The following CFAP251 variants were observed in gnomAD, a reference collection of about 807,000 sequenced individuals.
CFAP251 encodes the protein cilia and flagella associated protein 251, also known as cilia- and flagella-associated protein 251.
CFAP251 carries 93 observed loss-of-function variants against 126.7 expected under a neutral mutation model. The observed-to-expected ratio is 0.73, with a 90% CI of 0.62 to 0.87. The LOEUF (loss-of-function observed/expected upper bound fraction) is 0.87. Among genes scored for constraint, CFAP251 ranks in the 40% least tolerant of loss-of-function variants. The probability of loss-of-function intolerance (pLI) is 0.00; values close to 1 mark genes in which losing one functional copy is unlikely to be tolerated. For synonymous variants in CFAP251, 503 were observed against 506.9 expected (o/e 0.99, Z 0.10); for missense variants, 1,287 against 1,389.2 (o/e 0.93, Z 1.17).
intron 3 of CFAP251, among the ~76,000 whole-genome samples, chr12:121,925,209 G>GA (rs941402513): frequency 2.6e-5 from 4 of 152,122 alleles, no homozygotes; most frequent in African/African-American, 9.7e-5. Context: ...CAGTCCAGAG[G>GA]AATCTGCCTT....
At chr12:121,956,878 G>A (rs1881744656) in intron 10 of CFAP251, among the ~76,000 whole-genome samples, 196 bp from the exon 11 acceptor site, 1 of 152,036 alleles carries the variant, frequency 6.6e-6, no homozygotes, top group African/African-American at 2.4e-5. Context: ...ACAATGCCCT[G>A]AGCAAATTTC....
chr12:122,001,919 G>C (rs1294941931), intron 21 of CFAP251: 1 of 341,010 alleles, frequency 2.9e-6, no homozygotes, highest in Non-Finnish European at 5.7e-6. Context: ...CAGGAGAATA[G>C]GTATGTAAAG....
rs1399434724 is a variant in CFAP251, at chr12:121,923,855, A to C, written c.612A>C (p.Glu204Asp). The change falls in exon 3 of 22, where the codon GAA (glutamate) becomes GAC (aspartate). Residue 204 changes from glutamate to aspartate, a missense_variant. Transcript: ENST00000288912. ...AAGAAAGAAGGGACTTGGAGCCAGA[A>C]AACAGAGAGGAGGGACAAGAAAGGA... ...LGQERRDLEP[E>D]NREEGQERRV... 1 of 1,614,180 alleles carries C rather than the reference A, an allele frequency of 6.2e-7. No individual in the cohort carries two copies. The highest frequency in any genetic ancestry group is 8.5e-7 in the Non-Finnish European group (1 of 1,180,034).
At chr12:121,969,366 C>T in intron 17 of CFAP251, 2 of 985,414 alleles carry the variant, frequency 2.0e-6, no homozygotes, top group Non-Finnish European at 2.4e-6. Context: ...TGGAGGTGAA[C>T]TCTCCTATTG....
chr12:121,923,995 GT>G lies in CFAP251; in HGVS notation c.747+6del. The G allele has an allele frequency of 6.3e-7, 1 of 1,576,700 alleles. No homozygotes were observed. On this transcript the variant is annotated splice_donor_region_variant and intron_variant, in intron 3 of 21. Coordinates refer to ENST00000288912, the MANE Select transcript of CFAP251 (RefSeq NM_144668.6). ...AGCACCCCGGTGTATCCCTTGGTAA[GT>G]GTAATGCTTTTAAATCTCCCCCAGT...
intron 19 of CFAP251, among the ~76,000 whole-genome samples, chr12:121,996,659 A>T (rs916885565): frequency 5.6e-4 from 86 of 152,248 alleles, no homozygotes; most frequent in Middle Eastern, 3.4e-3. Context: ...GAAGGGGAAA[A>T]TTTTTTAAAT....
chr12:121,922,106 T>C (rs903932754), intron 2 of CFAP251, among the ~76,000 whole-genome samples: 3 of 76,890 alleles, frequency 3.9e-5, no homozygotes, highest in Middle Eastern at 8.5e-3. Flanking sequence ...CAATCCATTC[T>C]TTTTTTTTTT....
chr12:121,955,523 T>A (rs547693656), intron 10 of CFAP251, among the ~76,000 whole-genome samples: 2 of 152,148 alleles, frequency 1.3e-5, no homozygotes, highest in Non-Finnish European at 2.9e-5. Context: ...TGGATGCACA[T>A]GCTTGGTGCA....
Position 121,974,965 on chromosome 12 carries a change from A to G in CFAP251, c.2772-279A>G, listed in dbSNP as rs527904229. Reference sequence around the variant, plus strand: ...ACCCCCAGGAGAGACATGTTCCCCAAAGATTGCAGACAAATTGCCAAGCAC... The same window carrying G: ...ACCCCCAGGAGAGACATGTTCCCCAGAGATTGCAGACAAATTGCCAAGCAC... On this transcript the variant is annotated intron_variant, in intron 17 of 21. Coordinates refer to ENST00000288912, the MANE Select transcript of CFAP251 (RefSeq NM_144668.6). The surrounding 1 kb of genome is among the most constrained non-coding windows in gnomAD (Gnocchi z 4.6). Among the ~76,000 whole-genome samples, 1 of 152,328 alleles carries G rather than the reference A, an allele frequency of 6.6e-6. No individual in the cohort carries two copies. Among genetic ancestry groups the G allele is most frequent in the Admixed American group, 6.5e-5 (1 of 15,308 alleles).
intron 21 of CFAP251, among the ~76,000 whole-genome samples, chr12:122,003,304 T>C (rs917180044): frequency 6.6e-6 from 1 of 152,178 alleles, no homozygotes; most frequent in Admixed American, 6.5e-5. Flanking sequence ...TGAGGCCAGA[T>C]GCGGTAGCTG....
chr12:121,985,400 G>A (rs577716417), intron 19 of CFAP251, among the ~76,000 whole-genome samples: 66 of 152,060 alleles, frequency 4.3e-4, no homozygotes, highest in Non-Finnish European at 8.2e-4. Context: ...TGGGCATGGT[G>A]GTGCATGCCT....
At chr12:121,968,942 C>CTG in intron 17 of CFAP251, 1 of 985,418 alleles carries the variant, frequency 1.0e-6, no homozygotes, top group Non-Finnish European at 1.2e-6. Context: ...AGCACCCACA[C>CTG]TGTCCTCTCA....
intron 2 of CFAP251, 126 bp from the exon 3 acceptor site, chr12:121,923,496 T>TGTAC: frequency 1.5e-6 from 2 of 1,298,756 alleles, no homozygotes; most frequent in Non-Finnish European, 2.1e-6. Context: ...TCCAGCCTCT[T>TGTAC]TTAAAAAACA....
At chr12:121,953,894 T>C (rs955416030) in intron 9 of CFAP251, 1 of 518,922 alleles carries the variant, frequency 1.9e-6, no homozygotes, top group Non-Finnish European at 3.4e-6. Context: ...AAACAAACAA[T>C]GTAATTGAAC....
chr12:121,936,804 C>T (rs1880912101), intron 5 of CFAP251, among the ~76,000 whole-genome samples: 1 of 151,944 alleles, frequency 6.6e-6, no homozygotes, highest in African/African-American at 2.4e-5. Flanking sequence ...GCTTGTCCAG[C>T]CGTGCTGGGC....
intron 19 of CFAP251, among the ~76,000 whole-genome samples, chr12:121,988,329 A>C (rs889714516): frequency 2.2e-4 from 34 of 152,148 alleles, no homozygotes; most frequent in African/African-American, 7.7e-4. Flanking sequence ...CATCACCACC[A>C]CGTAATCCTA....
chr12:121,999,634 C>T (rs1176412362), intron 19 of CFAP251, 82 bp from the exon 20 acceptor site: 2 of 1,086,030 alleles, frequency 1.8e-6, no homozygotes, highest in South Asian at 1.6e-5. Context: ...CTGCACCAGC[C>T]CTACTGTCCA....
chr12:121,923,420 A>G (rs1425735204), intron 2 of CFAP251, among the ~76,000 whole-genome samples: 1 of 152,148 alleles, frequency 6.6e-6, no homozygotes, highest in Admixed American at 6.6e-5. Flanking sequence ...TGGCCTCCCA[A>G]AGTGTTGGGA....
intron 20 of CFAP251, among the ~76,000 whole-genome samples, chr12:122,000,408 C>T (rs557440816): frequency 1.3e-5 from 2 of 151,856 alleles, no homozygotes; most frequent in African/African-American, 2.4e-5. Flanking sequence ...AAAAATTAGC[C>T]GGGTATGGTG....
Sources: gnomAD v4.1 joint callset for allele counts (sites outside exome capture counted in the v4.1 genomes callset) on GRCh38, gnomAD v4.1.1 for gene constraint, Gnocchi (gnomAD v3.1) non-coding constraint, MANE v1.5 for transcripts, NCBI Gene and HGNC (gene_info 2026-07-23, HGNC 2026-07-21) for gene names.